Variants in CLVS1 observed in about 807,000 individuals in gnomAD.
The protein encoded by CLVS1 is clavesin-1.
In CLVS1, 10 loss-of-function variants were observed where a neutral mutation model predicts 33.1. The ratio of observed to expected loss-of-function variants is 0.30; its 90% CI spans 0.19 to 0.51. The LOEUF (loss-of-function observed/expected upper bound fraction) is 0.51. CLVS1 is among the 20% of genes least tolerant of loss of function. CLVS1 has a pLI of 0.97. For missense variants in CLVS1, 343 were observed against 433.4 expected (o/e 0.79, Z 1.85); for synonymous variants, 163 against 166.1 (o/e 0.98, Z 0.14).
At chr8:61,064,552 T>G (rs915318204) in intron 1 of CLVS1, among the ~76,000 whole-genome samples, 15 of 151,534 alleles carry the variant, frequency 9.9e-5, no homozygotes, top group African/African-American at 3.6e-4. Context: ...TTTTTTTTTT[T>G]TTTTTGAGAC....
intron 3 of CLVS1, among the ~76,000 whole-genome samples, chr8:61,409,629 T>G (rs1815139249): frequency 6.6e-6 from 1 of 152,228 alleles, no homozygotes; most frequent in East Asian, 1.9e-4. Context: ...CATAACATCA[T>G]TTTGCACATG....
chr8:61,178,697 A>C (rs942284967), intron 2 of CLVS1, among the ~76,000 whole-genome samples: 1 of 152,230 alleles, frequency 6.6e-6, no homozygotes, highest in Non-Finnish European at 1.5e-5. Context: ...AATATTCAAC[A>C]TTCTTAAAGA....
intron 5 of CLVS1, among the ~76,000 whole-genome samples, chr8:61,498,491 C>T (rs574976193): frequency 1.3e-5 from 2 of 152,278 alleles, no homozygotes; most frequent in East Asian, 1.9e-4. Context: ...TAGTTGTGAA[C>T]ATTTATTAAA....
chr8:61,245,732 A>G (rs1260420988), intron 2 of CLVS1, among the ~76,000 whole-genome samples: 1 of 151,312 alleles, frequency 6.6e-6, no homozygotes, highest in Non-Finnish European at 1.5e-5. Context: ...TAAGTTTATT[A>G]CTTTAAAAAT....
intron 2 of CLVS1, among the ~76,000 whole-genome samples, chr8:61,217,259 G>C (rs145007620): frequency 2.0e-5 from 3 of 152,270 alleles, no homozygotes; most frequent in East Asian, 3.9e-4. Flanking sequence ...CATTCACTGA[G>C]ATAGTAAACA....
intron 2 of CLVS1, among the ~76,000 whole-genome samples, chr8:61,256,574 C>A (rs1809087206): frequency 6.8e-6 from 1 of 147,964 alleles, no homozygotes; most frequent in African/African-American, 2.4e-5. Context: ...AAAAACTAAC[C>A]TACTCTTTAT....
chr8:61,416,426 A>G (rs1168870671), intron 3 of CLVS1, among the ~76,000 whole-genome samples: 1 of 152,182 alleles, frequency 6.6e-6, no homozygotes, highest in Non-Finnish European at 1.5e-5. Context: ...GGTTCATCCC[A>G]AGAGGATCTG....
At position 61,185,523 on chromosome 8, in the gene CLVS1, T is replaced by C. The variant is rs79437286; in HGVS notation, c.-152+53663T>C. Among the ~76,000 whole-genome samples the C allele has an allele frequency of 5.4e-3, 817 of 152,258 alleles. 8 individuals are homozygous for C. Among genetic ancestry groups the C allele is most frequent in the African/African-American group, 0.018 (768 of 41,558 alleles). Reference sequence around the variant, plus strand: ...GCAGCCTAATATTTTTTACATTATCTTCTATTTTTAAATGTTAGCTTGTAG... The same window carrying C: ...GCAGCCTAATATTTTTTACATTATCCTCTATTTTTAAATGTTAGCTTGTAG... On this transcript the variant is annotated intron_variant, in intron 2 of 2. Transcript: ENST00000522621.
upstream of CLVS1, among the ~76,000 whole-genome samples, chr8:61,286,030 T>A (rs998126486): frequency 2.0e-5 from 3 of 152,122 alleles, no homozygotes; most frequent in Non-Finnish European, 2.9e-5. Context: ...CAGGCCATTT[T>A]TTTTTTAAGT....
intron 2 of CLVS1, among the ~76,000 whole-genome samples, chr8:61,326,495 T>C (rs1039265876): frequency 7.2e-5 from 11 of 152,154 alleles, no homozygotes; most frequent in Admixed American, 6.6e-4. Flanking sequence ...TCTCTTGAAG[T>C]GGACTCTGGA....
intron 5 of CLVS1, among the ~76,000 whole-genome samples, chr8:61,479,709 TG>T (rs1219718721): frequency 1.3e-5 from 2 of 152,210 alleles, no homozygotes; most frequent in Non-Finnish European, 2.9e-5. Flanking sequence ...CCCATCTTTG[TG>T]GTTTTATCTA....
chr8:61,280,482 C>CA (rs1235103191), intron 2 of CLVS1, among the ~76,000 whole-genome samples: 1 of 152,196 alleles, frequency 6.6e-6, no homozygotes, highest in Non-Finnish European at 1.5e-5. Context: ...ACCTTGGAAA[C>CA]AGGCAGATGT....
chr8:61,076,547 C>A (rs759639908), intron 1 of CLVS1, among the ~76,000 whole-genome samples: 1 of 152,168 alleles, frequency 6.6e-6, no homozygotes, highest in African/African-American at 2.4e-5. Flanking sequence ...AAAGACGATT[C>A]GGGTTCCATT....
chr8:61,352,677 A>G (rs1295359215), intron 2 of CLVS1, among the ~76,000 whole-genome samples: 1 of 152,062 alleles, frequency 6.6e-6, no homozygotes, highest in African/African-American at 2.4e-5. Flanking sequence ...CATAATGATA[A>G]ATGGATCAAT....
intron 2 of CLVS1, among the ~76,000 whole-genome samples, chr8:61,138,339 A>G (rs1174844959): frequency 2.0e-5 from 3 of 152,224 alleles, no homozygotes; most frequent in African/African-American, 7.2e-5. Flanking sequence ...GTTTGAGATA[A>G]TGTTTGAAGA....
intron 2 of CLVS1, among the ~76,000 whole-genome samples, chr8:61,190,542 T>C (rs1052288667): frequency 1.3e-5 from 2 of 151,104 alleles, no homozygotes; most frequent in Non-Finnish European, 3.0e-5. Context: ...ACTGAAGGAG[T>C]TGGGGACACA....
At chr8:61,120,001 C>T (rs1255687646) in intron 1 of CLVS1, among the ~76,000 whole-genome samples, 1 of 146,068 alleles carries the variant, frequency 6.8e-6, no homozygotes, top group Non-Finnish European at 1.5e-5. Flanking sequence ...CCATCACTTT[C>T]AGGTACACCA....
chr8:61,477,110 T>C (rs1234930983), intron 5 of CLVS1, among the ~76,000 whole-genome samples: 1 of 152,160 alleles, frequency 6.6e-6, no homozygotes, highest in East Asian at 1.9e-4. Context: ...TATTGATTTT[T>C]GTATGTTGAA....
At chr8:61,098,830 C>G (rs1290699923) in intron 1 of CLVS1, among the ~76,000 whole-genome samples, 2 of 152,124 alleles carry the variant, frequency 1.3e-5, no homozygotes, top group African/African-American at 4.8e-5. Flanking sequence ...ATTGTCTCTA[C>G]CTGTTTTCTG....
Sources: allele counts gnomAD v4.1 joint callset (sites outside exome capture counted in the v4.1 genomes callset), GRCh38; gene constraint gnomAD v4.1.1; transcripts MANE v1.5; gene names NCBI Gene and HGNC (gene_info 2026-07-23, HGNC 2026-07-21).